The following HEBP1 variants were observed in gnomAD, a reference collection of about 807,000 sequenced individuals.
The protein encoded by HEBP1 is heme binding protein 1.
A neutral mutation model predicts 20.4 loss-of-function variants in HEBP1; 13 were observed. That is an observed-to-expected ratio of 0.64 (90% CI 0.42 to 1.01). The LOEUF is 1.01. HEBP1 is among the 50% of genes least tolerant of loss of function. HEBP1 has a pLI of 0.00. For synonymous variants in HEBP1, 92 were observed against 90.7 expected (o/e 1.01, Z -0.08); for missense variants, 241 against 247.3 (o/e 0.97, Z 0.17).
rs552986041 is a variant in HEBP1, at chr12:12,999,280, A to T, written c.78+757T>A. ...CCTATGATATAGTTTAACTTTATCA[A>T]TTAGGCACAGTAAGAGATGAACAAC... On this transcript the variant is annotated intron_variant, in intron 1 of 3. Coordinates refer to ENST00000014930, the MANE Select transcript of HEBP1 (RefSeq NM_015987.5). Among the ~76,000 whole-genome samples, 6 of 152,362 alleles carry T rather than the reference A, an allele frequency of 3.9e-5. No individual in the cohort carries two copies. In the South Asian group the frequency reaches 1.0e-3, roughly 26 times the overall value.
At position 12,998,767 on chromosome 12, in the gene HEBP1, A is replaced by C. The variant is rs1864319842; in HGVS notation, c.78+1270T>G. On this transcript the variant is annotated intron_variant, in intron 1 of 3. Transcript: ENST00000014930. The surrounding 1 kb of genome is among the most constrained non-coding windows in gnomAD (Gnocchi z 4.2). ...AGGCATCGTATTGGGAGCTCTGTAT[A>C]CAGCTGCACTGTTTAAACTACCTGT... Among the ~76,000 whole-genome samples the C allele has an allele frequency of 6.6e-6, 1 of 152,252 alleles. No homozygotes were observed. Among genetic ancestry groups the C allele is most frequent in the Admixed American group, 6.5e-5 (1 of 15,290 alleles).
At chr12:12,981,565 G>A (rs1864082799) in intron 3 of HEBP1, among the ~76,000 whole-genome samples, 1 of 152,176 alleles carries the variant, frequency 6.6e-6, no homozygotes, top group Non-Finnish European at 1.5e-5. Flanking sequence ...TTTAATAAAT[G>A]TTTGTCAAAT....
chr12:12,997,923 G>A (rs956920577), intron 1 of HEBP1, among the ~76,000 whole-genome samples: 1 of 152,246 alleles, frequency 6.6e-6, no homozygotes, highest in African/African-American at 2.4e-5. Flanking sequence ...GGGGAGGCCA[G>A]TGATGCTGCA....
rs1460241548 is a variant in HEBP1 at position 12,989,408 on chromosome 12, A to T, written c.86T>A (p.Val29Asp). ...QVLSKGDKEE[V>D]AYEERACEGG... Reference sequence around the variant, plus strand: ...TTCACAGGCCCTTTCTTCATAGGCAACTTCTTCCTAGAGAGAGAGAAGGTA... The same window carrying T: ...TTCACAGGCCCTTTCTTCATAGGCATCTTCTTCCTAGAGAGAGAGAAGGTA... Residue 29 changes from valine to aspartate, a missense_variant, in exon 2 of 4, where the codon GTT becomes GAT. Val to Asp is a radical substitution (Grantham distance 152, BLOSUM62 -3). Transcript: ENST00000014930. The T allele has an allele frequency of 6.2e-7, 1 of 1,614,156 alleles. No homozygotes were observed. Among genetic ancestry groups the T allele is most frequent in the African/African-American group, 1.3e-5 (1 of 75,066 alleles).
chr12:12,980,996 C>T (rs1199968630), intron 3 of HEBP1, among the ~76,000 whole-genome samples: 1 of 152,294 alleles, frequency 6.6e-6, no homozygotes, highest in African/African-American at 2.4e-5. Context: ...GTGCCTTAGG[C>T]AGGTGGTGAT....
chr12:12,990,122 A>G (rs1864202013), intron 1 of HEBP1, among the ~76,000 whole-genome samples: 1 of 12,604 alleles, frequency 7.9e-5, no homozygotes, highest in South Asian at 0.016. Flanking sequence ...CTGTGCACAC[A>G]CACACACACA....
At chr12:12,983,246 A>G (rs544026256) in intron 3 of HEBP1, 2 of 159,248 alleles carry the variant, frequency 1.3e-5, no homozygotes, top group South Asian at 1.8e-4. Context: ...GAGAAAGGAC[A>G]GTAGTCTGGA....
intron 1 of HEBP1, among the ~76,000 whole-genome samples, chr12:12,997,221 C>A (rs935266039): frequency 1.3e-5 from 2 of 152,180 alleles, no homozygotes; most frequent in African/African-American, 4.8e-5. Context: ...AGGGAGTTCT[C>A]CTTATCCCAG....
At chr12:12,978,811 G>A (rs1358419880) in intron 3 of HEBP1, 1 of 152,264 alleles carries the variant, frequency 6.6e-6, no homozygotes, top group Non-Finnish European at 1.5e-5. Context: ...ACATTAGGCA[G>A]GAGGGGCAGC....
In HEBP1 at chr12:12,975,303, GTCAC is replaced by G; in HGVS notation, c.*1_*4del. The G allele has an allele frequency of 6.2e-7, 1 of 1,613,052 alleles. No individual in the cohort carries two copies. Among genetic ancestry groups the G allele is most frequent in the South Asian group, 1.1e-5 (1 of 91,028 alleles). ...TTCCAGTAAGTTCTTGGTTCAGTGG[GTCAC>G]TCATGTCTTCAACAGCCAGATCTCA... On this transcript the variant is annotated 3_prime_UTR_variant, in exon 4 of 4. Coordinates refer to ENST00000014930, the MANE Select transcript of HEBP1 (RefSeq NM_015987.5).
At chr12:12,990,593 C>A (rs1864212560) in intron 1 of HEBP1, among the ~76,000 whole-genome samples, 1 of 152,130 alleles carries the variant, frequency 6.6e-6, no homozygotes, top group African/African-American at 2.4e-5. Flanking sequence ...TTAGGCCGAA[C>A]TAATTGTAGG....
At chr12:12,992,221 TGAGACA>T (rs1169816601) in intron 1 of HEBP1, among the ~76,000 whole-genome samples, 1 of 152,184 alleles carries the variant, frequency 6.6e-6, no homozygotes, top group Non-Finnish European at 1.5e-5. Context: ...ATTTTATTTT[TGAGACA>T]GAGTCTTGCT....
chr12:12,984,561 A>G (rs1452101337), intron 3 of HEBP1: 1 of 152,244 alleles, frequency 6.6e-6, no homozygotes, highest in African/African-American at 2.4e-5. Flanking sequence ...AAGAAGACAA[A>G]TGATCCACAG....
At chr12:12,982,382 C>T (rs1374069014) in intron 3 of HEBP1, among the ~76,000 whole-genome samples, 1 of 152,162 alleles carries the variant, frequency 6.6e-6, no homozygotes, top group Non-Finnish European at 1.5e-5. Context: ...AGACTGAAAA[C>T]CCTTGGTCCC....
intron 3 of HEBP1, among the ~76,000 whole-genome samples, chr12:12,978,010 A>G (rs988851721): frequency 6.6e-6 from 1 of 152,174 alleles, no homozygotes; most frequent in Non-Finnish European, 1.5e-5. Context: ...AGATGACAGC[A>G]CTTAGGACCT....
intron 1 of HEBP1, among the ~76,000 whole-genome samples, chr12:12,993,205 C>T (rs1459485202): frequency 7.7e-6 from 1 of 130,582 alleles, no homozygotes; most frequent in Non-Finnish European, 1.6e-5. Context: ...CTTACAGGGT[C>T]TCATGGTTGC....
intron 3 of HEBP1, among the ~76,000 whole-genome samples, chr12:12,982,913 G>A (rs1864105115): frequency 6.6e-6 from 1 of 152,110 alleles, no homozygotes; most frequent in Non-Finnish European, 1.5e-5. Flanking sequence ...GATTGAGTAG[G>A]TATTTACAGG....
intron 1 of HEBP1, among the ~76,000 whole-genome samples, chr12:12,997,189 A>G: frequency 6.6e-6 from 1 of 152,206 alleles, no homozygotes; most frequent in East Asian, 1.9e-4. Flanking sequence ...TTCCCATCAA[A>G]CACTGAGAGA....
chr12:12,986,375 A>C lies in HEBP1; in HGVS notation c.398+777T>G, dbSNP rs1486455227. On this transcript the variant is annotated intron_variant, in intron 3 of 3. Coordinates refer to ENST00000014930, the MANE Select transcript of HEBP1 (RefSeq NM_015987.5). The surrounding 1 kb of genome is among the most constrained non-coding windows in gnomAD (Gnocchi z 4.3). Reference sequence around the variant, plus strand: ...AGTGGACCAATACTCAGTCCAGTGCAATATTATATGTATGTGAATTTTTCA... The same window carrying C: ...AGTGGACCAATACTCAGTCCAGTGCCATATTATATGTATGTGAATTTTTCA... 1 of 152,212 alleles carries C rather than the reference A, an allele frequency of 6.6e-6. No homozygotes were observed. Among genetic ancestry groups the C allele is most frequent in the Non-Finnish European group, 1.5e-5 (1 of 68,048 alleles). 9.4% of individuals were successfully genotyped at this position (152,212 alleles called of 1,614,324 possible).
Sources: allele counts gnomAD v4.1 joint callset (sites outside exome capture counted in the v4.1 genomes callset), GRCh38; gene constraint gnomAD v4.1.1; non-coding constraint Gnocchi (gnomAD v3.1); transcripts MANE v1.5; gene names NCBI Gene and HGNC (gene_info 2026-07-23, HGNC 2026-07-21).